The following LHFPL6 variants were observed in gnomAD, a reference collection of about 807,000 sequenced individuals.
The protein encoded by LHFPL6 is LHFPL tetraspan subfamily member 6.
In LHFPL6, 9 loss-of-function variants were observed where a neutral mutation model predicts 20.6. The ratio of observed to expected loss-of-function variants is 0.44; its 90% CI spans 0.26 to 0.76. LHFPL6 has a LOEUF of 0.76. LHFPL6 is among the 30% of genes least tolerant of loss of function. The pLI is 0.20. For synonymous variants in LHFPL6, 105 were observed against 98.7 expected (o/e 1.06, Z -0.38); for missense variants, 218 against 253.5 (o/e 0.86, Z 0.95).
intron 2 of LHFPL6, among the ~76,000 whole-genome samples, chr13:39,394,728 AG>A (rs1325723864): frequency 6.6e-6 from 1 of 152,136 alleles, no homozygotes; most frequent in Non-Finnish European, 1.5e-5. Flanking sequence ...ACATATCTGG[AG>A]CCATTTCCCT....
chr13:39,565,302 C>A (rs559972146), intron 2 of LHFPL6, among the ~76,000 whole-genome samples: 1 of 150,068 alleles, frequency 6.7e-6, no homozygotes, highest in Admixed American at 6.7e-5. Context: ...AAGAGAACAT[C>A]ATTTCTAAAC....
intron 2 of LHFPL6, among the ~76,000 whole-genome samples, chr13:39,504,130 A>G (rs1869389113): frequency 6.6e-6 from 1 of 152,244 alleles, no homozygotes; most frequent in Non-Finnish European, 1.5e-5. Flanking sequence ...CGGAAGGATC[A>G]CTAACATGTT....
At chr13:39,553,580 T>G (rs1871207554) in intron 2 of LHFPL6, among the ~76,000 whole-genome samples, 1 of 152,152 alleles carries the variant, frequency 6.6e-6, no homozygotes, top group African/African-American at 2.4e-5. Flanking sequence ...TTAGCCAGCA[T>G]GGTGGTCTGT....
intron 2 of LHFPL6, among the ~76,000 whole-genome samples, chr13:39,582,216 A>G (rs1344149642): frequency 6.6e-6 from 1 of 152,192 alleles, no homozygotes; most frequent in Admixed American, 6.5e-5. Flanking sequence ...CTACTGATGC[A>G]TAATCTCACA....
At chr13:39,479,619 C>T (rs183862177) in intron 2 of LHFPL6, among the ~76,000 whole-genome samples, 1 of 152,238 alleles carries the variant, frequency 6.6e-6, no homozygotes. Flanking sequence ...TTTTGGAAAT[C>T]GGCACTATAA....
intron 2 of LHFPL6, among the ~76,000 whole-genome samples, chr13:39,404,243 A>G (rs139019465): frequency 9.2e-5 from 14 of 152,316 alleles, no homozygotes; most frequent in Non-Finnish European, 2.1e-4. Context: ...GTTGCTAACT[A>G]ATAAAATCAA....
At chr13:39,560,749 T>C (rs1324146593) in intron 2 of LHFPL6, among the ~76,000 whole-genome samples, 2 of 152,130 alleles carry the variant, frequency 1.3e-5, no homozygotes, top group African/African-American at 4.8e-5. Flanking sequence ...TCTCCTGACC[T>C]CATGATCCGC....
chr13:39,405,037 A>T (rs2138382080), intron 2 of LHFPL6, among the ~76,000 whole-genome samples: 1 of 152,360 alleles, frequency 6.6e-6, no homozygotes, highest in Admixed American at 6.5e-5. Context: ...ATCTCTTTAC[A>T]AGCATAATTA....
At chr13:39,499,873 C>T (rs945238307) in intron 2 of LHFPL6, among the ~76,000 whole-genome samples, 4 of 152,224 alleles carry the variant, frequency 2.6e-5, no homozygotes, top group African/African-American at 9.6e-5. Flanking sequence ...GTTTTTGTCA[C>T]GTGCAGCTGA....
chr13:39,433,213 G>A (rs1871863849), intron 2 of LHFPL6, among the ~76,000 whole-genome samples: 1 of 152,130 alleles, frequency 6.6e-6, no homozygotes, highest in African/African-American at 2.4e-5. Context: ...AATTTGGTGA[G>A]TAATGCTTTT....
intron 2 of LHFPL6, among the ~76,000 whole-genome samples, chr13:39,430,598 T>C (rs1169514792): frequency 2.6e-5 from 4 of 152,168 alleles, no homozygotes. Flanking sequence ...CTGGGTTGAG[T>C]GGGGACTTGG....
At chr13:39,427,695 A>G (rs1871681465) in intron 2 of LHFPL6, among the ~76,000 whole-genome samples, 1 of 152,202 alleles carries the variant, frequency 6.6e-6, no homozygotes, top group Admixed American at 6.5e-5. Flanking sequence ...AAGTGTAACG[A>G]AATTTGGCAC....
chr13:39,444,138 G>A (rs1008828180), intron 2 of LHFPL6, among the ~76,000 whole-genome samples: 2 of 152,142 alleles, frequency 1.3e-5, no homozygotes, highest in Non-Finnish European at 2.9e-5. Context: ...TGGAACGGGG[G>A]ACTCAAGAGT....
intron 2 of LHFPL6, among the ~76,000 whole-genome samples, chr13:39,448,111 CA>C (rs1292229143): frequency 6.6e-6 from 1 of 152,180 alleles, no homozygotes; most frequent in Non-Finnish European, 1.5e-5. Context: ...GCACAGATCT[CA>C]AAGCTACAGA....
chr13:39,378,404 G>C lies in LHFPL6; in HGVS notation c.484+24C>G, dbSNP rs372278400. 8.2e-6 allele frequency: 13 copies of C among 1,583,712 alleles called. No homozygotes were observed. In the African/African-American group the frequency reaches 1.8e-4, roughly 21 times the overall value. On this transcript the variant is annotated intron_variant, in intron 3 of 3. Coordinates refer to ENST00000379589, the MANE Select transcript of LHFPL6 (RefSeq NM_005780.3). Reference sequence around the variant, plus strand: ...AGATAAGGTTCTTTTTCTAAAAGGAGTGCCATCCATGAAGAAAGCTTACCC... The same window carrying C: ...AGATAAGGTTCTTTTTCTAAAAGGACTGCCATCCATGAAGAAAGCTTACCC...
intron 2 of LHFPL6, among the ~76,000 whole-genome samples, chr13:39,492,498 T>TA (rs1868960061): frequency 1.3e-5 from 2 of 152,148 alleles, no homozygotes; most frequent in African/African-American, 4.8e-5. Flanking sequence ...TGGAATGTAT[T>TA]CAAATAAAAG....
At chr13:39,476,268 G>A (rs1205481383) in intron 2 of LHFPL6, among the ~76,000 whole-genome samples, 3 of 152,136 alleles carry the variant, frequency 2.0e-5, no homozygotes, top group East Asian at 1.9e-4. Flanking sequence ...GGGCTCAAGC[G>A]ATCCTCCTGC....
At chr13:39,486,518 T>C (rs58624964) in intron 2 of LHFPL6, among the ~76,000 whole-genome samples, 2,054 of 152,314 alleles carry the variant, frequency 0.013, 43 homozygotes, top group African/African-American at 0.047. Flanking sequence ...AAATAGTGGT[T>C]ACTTATAGGT....
At chr13:39,449,953 T>A (rs980944749) in intron 2 of LHFPL6, among the ~76,000 whole-genome samples, 2 of 152,114 alleles carry the variant, frequency 1.3e-5, no homozygotes, top group Admixed American at 6.6e-5. Context: ...CCACAAATAC[T>A]CATCTGACAA....
Sources: allele counts gnomAD v4.1 joint callset (sites outside exome capture counted in the v4.1 genomes callset), GRCh38; gene constraint gnomAD v4.1.1; transcripts MANE v1.5; gene names NCBI Gene and HGNC (gene_info 2026-07-23, HGNC 2026-07-21).